DOCK7: variants seen among roughly 807,000 people sequenced by gnomAD.
DOCK7 encodes dedicator of cytokinesis 7, also known as dedicator of cytokinesis protein 7.
DOCK7 carries 138 observed loss-of-function variants against 271.0 expected under a neutral mutation model. The observed-to-expected ratio is 0.51, with a 90% confidence interval of 0.44 to 0.59. The LOEUF is 0.59. Among genes scored for constraint, DOCK7 ranks in the 20% least tolerant of loss-of-function variants. The probability of loss-of-function intolerance (pLI) is 0.00; values close to 1 mark genes in which losing one functional copy is unlikely to be tolerated. For synonymous variants in DOCK7, 823 were observed against 876.1 expected (o/e 0.94, Z 1.07); for missense variants, 2,066 against 2,592.4 (o/e 0.80, Z 4.41).
intron 40 of DOCK7, among the ~76,000 whole-genome samples, chr1:62,493,906 G>C (rs1490159585): frequency 6.6e-6 from 1 of 152,180 alleles, no homozygotes. Flanking sequence ...GTAGGGAATA[G>C]AGAATGTTGG....
chr1:62,616,616 C>A (rs1571782103), intron 14 of DOCK7, among the ~76,000 whole-genome samples: 1 of 151,674 alleles, frequency 6.6e-6, no homozygotes, highest in South Asian at 2.1e-4. Flanking sequence ...CTTAATTCAG[C>A]CTTCTGTCAG....
Position 62,487,394 on chromosome 1 carries a change from C to G in DOCK7, c.5508+4G>C, listed in dbSNP as rs764109213. 1.9e-6 allele frequency: 3 copies of G among 1,610,122 alleles called. No homozygotes were observed. The highest frequency in any genetic ancestry group is 4.5e-5 in the East Asian group (2 of 44,806). ...TGTCTTTAACTAACTAAAACATTAC[C>G]TACCTCCCAGCCAGTACTCTGTATA... On this transcript the variant is annotated splice_donor_region_variant and intron_variant, in intron 43 of 49. Transcript: ENST00000635253.
At chr1:62,622,174 A>C (rs1001729861) in intron 12 of DOCK7, among the ~76,000 whole-genome samples, 1 of 152,220 alleles carries the variant, frequency 6.6e-6, no homozygotes, top group Non-Finnish European at 1.5e-5. Context: ...AATTTGAGAG[A>C]CATGTCACAG....
At chr1:62,574,359 G>A (rs993757899) in intron 18 of DOCK7, among the ~76,000 whole-genome samples, 17 of 152,146 alleles carry the variant, frequency 1.1e-4, no homozygotes, top group African/African-American at 4.1e-4. Flanking sequence ...TCCAGAGGTT[G>A]TCATGACTTT....
At chr1:62,673,399 T>C (rs377425012) in intron 1 of DOCK7, among the ~76,000 whole-genome samples, 1 of 152,172 alleles carries the variant, frequency 6.6e-6, no homozygotes, top group East Asian at 1.9e-4. Flanking sequence ...AGCATTTCCA[T>C]ATAAATCTCA....
rs182188031 is a variant in DOCK7 at position 62,678,040 on chromosome 1, A to G, written c.38+10187T>C. On this transcript the variant is annotated intron_variant, in intron 1 of 49. Coordinates refer to ENST00000635253, the MANE Select transcript of DOCK7 (RefSeq NM_001367561.1). ...CTACTCAGGAGGCTGAGGTGAGAGG[A>G]CAGCTTGAGCCCAGGAGTTCAAGGT... Among the ~76,000 whole-genome samples the G allele has an allele frequency of 1.7e-4, 26 of 152,342 alleles. 1 individual carries two copies. The highest frequency in any genetic ancestry group is 6.3e-4 in the African/African-American group (26 of 41,582).
chr1:62,519,766 C>T (rs1311054098), intron 31 of DOCK7, among the ~76,000 whole-genome samples: 1 of 152,008 alleles, frequency 6.6e-6, no homozygotes, highest in Non-Finnish European at 1.5e-5. Flanking sequence ...AAATAAGATA[C>T]ACATTTTTTA....
At chr1:62,578,027 A>C (rs945825823) in intron 17 of DOCK7, among the ~76,000 whole-genome samples, 1 of 151,940 alleles carries the variant, frequency 6.6e-6, no homozygotes, top group African/African-American at 2.4e-5. Flanking sequence ...GGGCTCAAGC[A>C]ATCCTCCCAT....
intron 28 of DOCK7, 108 bp from the exon 29 acceptor site, chr1:62,535,740 A>G (rs1479041731): frequency 2.7e-6 from 3 of 1,115,596 alleles, no homozygotes; most frequent in South Asian, 2.1e-5. Context: ...AGTTTATTTT[A>G]TATTACTAAC....
chr1:62,604,455 T>TACAGATTATTTATAC, intron 14 of DOCK7: 1 of 897,832 alleles, frequency 1.1e-6, no homozygotes. Flanking sequence ...TGGTAGTGTA[T>TACAGATTATTTATAC]AGATTATTTA....
chr1:62,601,876 A>T lies in DOCK7; in HGVS notation c.1683-15252T>A, dbSNP rs985004442. 1.2e-6 allele frequency: 2 copies of T among 1,601,910 alleles called. No homozygotes were observed. Among genetic ancestry groups the T allele is most frequent in the South Asian group, 2.2e-5 (2 of 90,818 alleles). ...AGTTTTTCATGTCTACTGTGATGTT[A>T]TATCAGGTAAAACCTGTCTAAGGAG... On this transcript the variant is annotated intron_variant, in intron 14 of 49. Coordinates refer to ENST00000635253, the MANE Select transcript of DOCK7 (RefSeq NM_001367561.1).
chr1:62,535,635 G>T lies in DOCK7; in HGVS notation c.3472-3C>A. 6.2e-7 allele frequency: 1 copy of T among 1,612,544 alleles called. No individual in the cohort carries two copies. The highest frequency in any genetic ancestry group is 8.5e-7 in the Non-Finnish European group (1 of 1,179,206). ...ACATTCGTAGAAAATCCAGAACTCT[G>T]TTGGAAAGTGAGGCAGAACAAGACT... On this transcript the variant is annotated splice_polypyrimidine_tract_variant and splice_region_variant and intron_variant, in intron 28 of 49. Coordinates refer to ENST00000635253, the MANE Select transcript of DOCK7 (RefSeq NM_001367561.1).
rs751541506 is a variant in DOCK7 at position 62,455,760 on chromosome 1, A to T, written c.6381-304T>A. 3.3e-5 allele frequency among the ~76,000 whole-genome samples: 5 copies of T among 152,186 alleles called. No homozygotes were observed. In the South Asian group the frequency reaches 1.0e-3, roughly 31 times the overall value. ...ATAATGGGAGAGATTTTAGGAAAAGATTTGGGGTTTTTTACACGGCAAAAG... is the reference window on the plus strand; with the variant it reads ...ATAATGGGAGAGATTTTAGGAAAAGTTTTGGGGTTTTTTACACGGCAAAAG... On this transcript the variant is annotated intron_variant, in intron 49 of 49. Coordinates refer to ENST00000635253, the MANE Select transcript of DOCK7 (RefSeq NM_001367561.1).
chr1:62,636,169 G>A (rs1291345333), intron 8 of DOCK7, among the ~76,000 whole-genome samples: 4 of 152,200 alleles, frequency 2.6e-5, no homozygotes, highest in South Asian at 4.2e-4. Context: ...GGAAAATGGC[G>A]TGAACCTGGG....
chr1:62,477,551 T>C (rs185713349), intron 44 of DOCK7, 149 bp downstream of exon 44: 8 of 725,874 alleles, frequency 1.1e-5, no homozygotes, highest in East Asian at 5.8e-5. Flanking sequence ...AAGAGTATTA[T>C]TGTAACTATT....
chr1:62,683,035 A>G (rs899976341), intron 1 of DOCK7, among the ~76,000 whole-genome samples: 1 of 152,194 alleles, frequency 6.6e-6, no homozygotes, highest in Non-Finnish European at 1.5e-5. Context: ...ATGAAGGACT[A>G]ATGGTAGTCC....
intron 14 of DOCK7, among the ~76,000 whole-genome samples, chr1:62,614,284 A>G (rs1652172061): frequency 1.3e-5 from 2 of 152,194 alleles, no homozygotes; most frequent in African/African-American, 4.8e-5. Flanking sequence ...TCGTCATTCC[A>G]AAATTATTTC....
intron 27 of DOCK7, among the ~76,000 whole-genome samples, chr1:62,538,848 T>C (rs78812491): frequency 4.6e-5 from 7 of 152,126 alleles, no homozygotes; most frequent in Admixed American, 2.6e-4. Context: ...CACCATAAGT[T>C]TGAACTTCTC....
At chr1:62,556,158 G>C (rs951668248) in intron 20 of DOCK7, among the ~76,000 whole-genome samples, 169 bp from the exon 21 acceptor site, 7 of 151,998 alleles carry the variant, frequency 4.6e-5, no homozygotes, top group African/African-American at 1.7e-4. Flanking sequence ...CGTTGCATTA[G>C]CTGAGCCAAA....
Sources: allele counts gnomAD v4.1 joint callset (sites outside exome capture counted in the v4.1 genomes callset), GRCh38; gene constraint gnomAD v4.1.1; transcripts MANE v1.5; gene names NCBI Gene and HGNC (gene_info 2026-07-23, HGNC 2026-07-21).